The following XKR6 variants were observed in gnomAD, a reference collection of about 807,000 sequenced individuals.
XKR6 encodes XK related 6, also known as XK-related protein 6.
In XKR6, 22 loss-of-function variants were observed where a neutral mutation model predicts 56.7. The observed-to-expected ratio is 0.39, with a 90% CI of 0.28 to 0.55. The LOEUF is 0.55. XKR6 is among the 20% of genes least tolerant of loss of function. XKR6 has a pLI of 0.66. For synonymous variants in XKR6, 524 were observed against 387.8 expected (o/e 1.35, Z -4.13); for missense variants, 852 against 889.0 (o/e 0.96, Z 0.53).
intron 1 of XKR6, among the ~76,000 whole-genome samples, chr8:10,992,328 A>G (rs1798012577): frequency 6.6e-6 from 1 of 152,088 alleles, no homozygotes; most frequent in Non-Finnish European, 1.5e-5. Flanking sequence ...AGAGACCAAC[A>G]GATTTTAGTG....
At chr8:10,953,517 C>T (rs1248343147) in intron 1 of XKR6, among the ~76,000 whole-genome samples, 1 of 152,180 alleles carries the variant, frequency 6.6e-6, no homozygotes. Flanking sequence ...ATTACCTAGT[C>T]TCAGGTATTT....
chr8:11,178,882 T>C (rs1802818963), intron 1 of XKR6, among the ~76,000 whole-genome samples: 1 of 151,566 alleles, frequency 6.6e-6, no homozygotes, highest in African/African-American at 2.4e-5. Context: ...GGCACCCAGG[T>C]TGGAGAGTAG....
At chr8:10,995,035 G>T (rs1003567817) in intron 1 of XKR6, among the ~76,000 whole-genome samples, 1 of 152,178 alleles carries the variant, frequency 6.6e-6, no homozygotes, top group Admixed American at 6.5e-5. Flanking sequence ...GGGCCTCCTT[G>T]TACGAACAGC....
At chr8:11,094,944 C>G (rs1204910426) in intron 1 of XKR6, among the ~76,000 whole-genome samples, 1 of 152,156 alleles carries the variant, frequency 6.6e-6, no homozygotes, top group Non-Finnish European at 1.5e-5. Context: ...AGCTTAATAC[C>G]TGGGTGATGG....
intron 1 of XKR6, among the ~76,000 whole-genome samples, chr8:10,980,444 C>G (rs565462297): frequency 4.3e-4 from 65 of 152,218 alleles, no homozygotes; most frequent in Non-Finnish European, 7.8e-4. Context: ...AAAGGCCACT[C>G]AGGAATGTCA....
At chr8:11,006,384 G>T (rs745692831) in intron 1 of XKR6, among the ~76,000 whole-genome samples, 1 of 152,062 alleles carries the variant, frequency 6.6e-6, no homozygotes, top group Non-Finnish European at 1.5e-5. Flanking sequence ...TGCCCCTATG[G>T]TCACAATTGT....
At chr8:11,168,893 C>T (rs561026373) in intron 1 of XKR6, among the ~76,000 whole-genome samples, 34 of 152,298 alleles carry the variant, frequency 2.2e-4, no homozygotes, top group Admixed American at 1.6e-3. Context: ...AGTCTCTTTT[C>T]CTTCTGTGGG....
At chr8:11,063,694 C>T (rs981156620) in intron 1 of XKR6, among the ~76,000 whole-genome samples, 14 of 152,068 alleles carry the variant, frequency 9.2e-5, no homozygotes, top group African/African-American at 2.9e-4. Flanking sequence ...GGGGAGAGGC[C>T]GATGCCAGGA....
At chr8:11,080,179 GAC>G (rs1461458104) in intron 1 of XKR6, among the ~76,000 whole-genome samples, 5 of 151,398 alleles carry the variant, frequency 3.3e-5, no homozygotes, top group African/African-American at 9.7e-5. Flanking sequence ...TTTCTTAGAT[GAC>G]ACAGACTTTT....
chr8:11,138,779 C>A lies in XKR6; in HGVS notation c.764+61797G>T, dbSNP rs182621166. Among the ~76,000 whole-genome samples, 19 of 152,260 alleles carry A rather than the reference C, an allele frequency of 1.2e-4. 1 individual carries two copies. Among genetic ancestry groups the A allele is most frequent in the Admixed American group, 3.9e-4 (6 of 15,288 alleles). On this transcript the variant is annotated intron_variant, in intron 1 of 2. Coordinates refer to ENST00000416569, the MANE Select transcript of XKR6 (RefSeq NM_173683.4). ...CCAGAAGGACAGTTAAATTCCCAGT[C>A]CTCTGAATTTTCACAAAATGACTAA...
chr8:11,113,673 T>A (rs928864331), intron 1 of XKR6, among the ~76,000 whole-genome samples: 2 of 152,180 alleles, frequency 1.3e-5, no homozygotes, highest in Admixed American at 6.5e-5. Flanking sequence ...TAAAAAAAAA[T>A]TTCAATCTCC....
chr8:11,092,933 C>T (rs989525267), intron 1 of XKR6, among the ~76,000 whole-genome samples: 3 of 152,234 alleles, frequency 2.0e-5, no homozygotes, highest in African/African-American at 7.2e-5. Flanking sequence ...CCAGGACCCC[C>T]GCTGAGGGCC....
At chr8:11,166,439 C>T (rs141743738) in intron 1 of XKR6, among the ~76,000 whole-genome samples, 406 of 152,036 alleles carry the variant, frequency 2.7e-3, no homozygotes, top group Non-Finnish European at 4.4e-3. Context: ...GATAAAGGGC[C>T]GTTGCTTATA....
chr8:11,118,678 A>G (rs368574761), intron 1 of XKR6, among the ~76,000 whole-genome samples: 2 of 151,600 alleles, frequency 1.3e-5, no homozygotes, highest in South Asian at 2.1e-4. Context: ...TTTTTATTGC[A>G]TCTATTTGAT....
intron 1 of XKR6, among the ~76,000 whole-genome samples, chr8:11,184,904 T>C (rs1390009516): frequency 6.6e-6 from 1 of 152,200 alleles, no homozygotes; most frequent in East Asian, 1.9e-4. Context: ...TAGAATTCCA[T>C]ATATTTTAGT....
intron 1 of XKR6, among the ~76,000 whole-genome samples, chr8:11,192,622 A>G (rs1803643302): frequency 6.6e-6 from 1 of 152,078 alleles, no homozygotes; most frequent in Admixed American, 6.5e-5. Context: ...TTCTTTAGAA[A>G]AAAAATTACT....
intron 1 of XKR6, among the ~76,000 whole-genome samples, chr8:10,942,965 C>T (rs1010797100): frequency 6.6e-5 from 10 of 152,232 alleles, no homozygotes; most frequent in Non-Finnish European, 1.3e-4. Context: ...GGATCTAGGG[C>T]CAGGTGGCCA....
chr8:11,190,501 G>C (rs983556907), intron 1 of XKR6, among the ~76,000 whole-genome samples: 1 of 152,162 alleles, frequency 6.6e-6, no homozygotes, highest in Non-Finnish European at 1.5e-5. Flanking sequence ...GTGAGGTACT[G>C]AAAACTGTGT....
At chr8:11,168,480 T>G (rs993422109) in intron 1 of XKR6, among the ~76,000 whole-genome samples, 10 of 152,114 alleles carry the variant, frequency 6.6e-5, no homozygotes, top group Non-Finnish European at 1.3e-4. Flanking sequence ...CAATAACAGA[T>G]AGAAGAACTT....
Sources: allele counts gnomAD v4.1 joint callset (sites outside exome capture counted in the v4.1 genomes callset), GRCh38; gene constraint gnomAD v4.1.1; transcripts MANE v1.5; gene names NCBI Gene and HGNC (gene_info 2026-07-23, HGNC 2026-07-21).